The following NEBL variants were observed in gnomAD, a reference collection of about 807,000 sequenced individuals.
The protein encoded by NEBL is LIM and SH3 protein 2.
NEBL carries 122 observed loss-of-function variants against 140.2 expected under a neutral mutation model. The observed-to-expected ratio is 0.87, with a 90% confidence interval of 0.75 to 1.01. The LOEUF (loss-of-function observed/expected upper bound fraction) is 1.01, where lower values mean the gene tolerates loss of function less well. Ranked by LOEUF, NEBL falls within the 50% of genes least tolerant of loss-of-function variation. The probability of loss-of-function intolerance (pLI) is 0.00; values close to 1 mark genes in which losing one functional copy is unlikely to be tolerated. For missense variants in NEBL, 1,365 were observed against 1,231.3 expected (o/e 1.11, Z -1.62); for synonymous variants, 436 against 398.9 (o/e 1.09, Z -1.11).
intron 2 of NEBL, among the ~76,000 whole-genome samples, chr10:21,092,755 A>T (rs929914858): frequency 1.3e-5 from 2 of 152,094 alleles, no homozygotes; most frequent in Non-Finnish European, 2.9e-5. Context: ...ACTTTCATCA[A>T]ACCTGGGAAC....
At chr10:20,833,294 A>C (rs978280072) in intron 14 of NEBL, among the ~76,000 whole-genome samples, 4 of 152,200 alleles carry the variant, frequency 2.6e-5, no homozygotes, top group South Asian at 2.1e-4. Context: ...TCAAGCCCAG[A>C]GATATGGGAA....
chr10:21,060,872 T>C (rs1337327757), intron 2 of NEBL, among the ~76,000 whole-genome samples: 1 of 152,120 alleles, frequency 6.6e-6, no homozygotes, highest in East Asian at 1.9e-4. Context: ...ATTCAGTTTA[T>C]CCATCCTTCC....
chr10:21,189,266 C>T (rs1386302331), intron 3 of NEBL, among the ~76,000 whole-genome samples: 1 of 151,914 alleles, frequency 6.6e-6, no homozygotes, highest in Non-Finnish European at 1.5e-5. Context: ...GAGGAGGAGA[C>T]ACAGAGGAGG....
intron 2 of NEBL, among the ~76,000 whole-genome samples, chr10:21,095,023 C>T (rs1364776115): frequency 2.0e-5 from 3 of 152,136 alleles, no homozygotes; most frequent in Non-Finnish European, 4.4e-5. Context: ...AATCTGACAC[C>T]ACTAAGCATT....
intron 2 of NEBL, among the ~76,000 whole-genome samples, chr10:21,134,473 CAT>C (rs891451687): frequency 5.3e-5 from 8 of 152,282 alleles, no homozygotes; most frequent in East Asian, 1.9e-4. Flanking sequence ...GAATTTTCTG[CAT>C]ATGTTTCCTA....
chr10:21,227,129 TC>T (rs924794277), intron 3 of NEBL, among the ~76,000 whole-genome samples: 6 of 151,802 alleles, frequency 4.0e-5, no homozygotes, highest in African/African-American at 1.2e-4. Context: ...TAAGCTTTTT[TC>T]CCCCCATTAA....
chr10:20,901,273 C>T (rs537027952), upstream of NEBL, among the ~76,000 whole-genome samples: 5 of 152,202 alleles, frequency 3.3e-5, no homozygotes, highest in East Asian at 3.9e-4. Context: ...GATGTTTACA[C>T]GTAAGCAAAT....
chr10:20,955,133 G>A (rs1207774632), intron 4 of NEBL, among the ~76,000 whole-genome samples: 1 of 152,182 alleles, frequency 6.6e-6, no homozygotes, highest in Non-Finnish European at 1.5e-5. Context: ...AAGGGGTAGG[G>A]AGGGCCCTAA....
intron 2 of NEBL, among the ~76,000 whole-genome samples, chr10:21,028,000 T>C (rs1318412579): frequency 2.0e-5 from 3 of 151,728 alleles, no homozygotes; most frequent in Non-Finnish European, 4.4e-5. Flanking sequence ...GGCAGGTGGA[T>C]CACATCACCT....
At chr10:21,254,411 C>T (rs1297864515) in intron 1 of NEBL, among the ~76,000 whole-genome samples, 1 of 152,102 alleles carries the variant, frequency 6.6e-6, no homozygotes, top group Non-Finnish European at 1.5e-5. Flanking sequence ...CATGAGCCAC[C>T]ATACCTGGCC....
chr10:20,894,097 GA>G (rs2131392316), intron 2 of NEBL, among the ~76,000 whole-genome samples: 1 of 152,284 alleles, frequency 6.6e-6, no homozygotes, highest in Non-Finnish European at 1.5e-5. Context: ...AAGGATATAT[GA>G]AAGCTGGAAG....
At chr10:21,125,440 G>A (rs1838778261) in intron 2 of NEBL, among the ~76,000 whole-genome samples, 1 of 152,184 alleles carries the variant, frequency 6.6e-6, no homozygotes. Context: ...AAGTTGCGGA[G>A]GGGACTACTT....
At chr10:21,211,244 T>C (rs1195356135) in intron 3 of NEBL, among the ~76,000 whole-genome samples, 1 of 152,164 alleles carries the variant, frequency 6.6e-6, no homozygotes, top group Non-Finnish European at 1.5e-5. Flanking sequence ...TTTGGGAGGC[T>C]GAGGCTGGAA....
Position 20,785,588 on chromosome 10 carries a change from A to C in NEBL, c.*159T>G. ...GAAAATGCTGCTGTTTTCAGCCCAG[A>C]GGTCATTCCTTCTTCCTGGTACCTG... On this transcript the variant is annotated 3_prime_UTR_variant, in exon 28 of 28. Coordinates refer to ENST00000377122, the MANE Select transcript of NEBL (RefSeq NM_006393.3). 1 of 832,824 alleles carries C rather than the reference A, an allele frequency of 1.2e-6. No individual in the cohort carries two copies. The highest frequency in any genetic ancestry group is 1.9e-6 in the Non-Finnish European group (1 of 521,274). The allele number at this position is 832,824 out of a possible 1,614,324, so 51.6% of individuals were successfully genotyped here. A position where few individuals can be genotyped will look rare whatever the true frequency, so the allele number is the denominator to read the frequency against.
chr10:21,284,616 A>G (rs1843033683), intron 1 of NEBL, among the ~76,000 whole-genome samples: 2 of 152,170 alleles, frequency 1.3e-5, no homozygotes, highest in South Asian at 4.1e-4. Flanking sequence ...ACATAAAGGA[A>G]GAGCACAAGG....
At chr10:21,145,550 T>C (rs970850614) in intron 2 of NEBL, among the ~76,000 whole-genome samples, 2 of 152,220 alleles carry the variant, frequency 1.3e-5, no homozygotes, top group African/African-American at 4.8e-5. Flanking sequence ...GTATACACCT[T>C]TTCATAGCAC....
At chr10:21,086,983 A>G (rs779659907) in intron 2 of NEBL, among the ~76,000 whole-genome samples, 24 of 151,940 alleles carry the variant, frequency 1.6e-4, no homozygotes, top group Non-Finnish European at 2.5e-4. Context: ...ACCCATCTAC[A>G]CTCAGCAGAA....
chr10:21,218,325 T>C (rs1039117436), intron 3 of NEBL: 2 of 152,238 alleles, frequency 1.3e-5, no homozygotes, highest in African/African-American at 4.8e-5. Context: ...TTTAGGACAG[T>C]TCAGGTCTGC....
chr10:21,271,679 C>T (rs1281802894), intron 1 of NEBL, among the ~76,000 whole-genome samples: 1 of 151,992 alleles, frequency 6.6e-6, no homozygotes, highest in Non-Finnish European at 1.5e-5. Context: ...GCACCCGCCA[C>T]CACGCCTGGC....
Sources: gnomAD v4.1 joint callset for allele counts (sites outside exome capture counted in the v4.1 genomes callset) on GRCh38, gnomAD v4.1.1 for gene constraint, MANE v1.5 for transcripts, NCBI Gene and HGNC (gene_info 2026-07-23, HGNC 2026-07-21) for gene names.